Variants in DOCK10 observed in about 807,000 individuals in gnomAD.
The protein encoded by DOCK10 is dedicator of cytokinesis protein 10.
DOCK10 carries 145 observed loss-of-function variants against 280.1 expected under a neutral mutation model. That is an observed-to-expected ratio of 0.52 (90% CI 0.45 to 0.59). The LOEUF is 0.59. DOCK10 is among the 20% of genes least tolerant of loss of function. DOCK10 has a pLI of 0.00. For synonymous variants in DOCK10, 915 were observed against 942.2 expected, an observed-to-expected ratio of 0.97 and a Z score of 0.53; for missense variants, 2,368 against 2,651.7, an observed-to-expected ratio of 0.89 and a Z score of 2.35.
intron 28 of DOCK10, among the ~76,000 whole-genome samples, chr2:224,820,858 A>T (rs1694460908): frequency 6.6e-6 from 1 of 152,224 alleles, no homozygotes; most frequent in East Asian, 1.9e-4. Flanking sequence ...TCAACAGCTC[A>T]TTGAAACAAA....
rs139400953 is a variant in DOCK10 at position 224,773,027 on chromosome 2, C to T, written c.6204+130G>A. 127 of 790,142 alleles carry T rather than the reference C, an allele frequency of 1.6e-4. No homozygotes were observed. In the African/African-American group the frequency reaches 2.0e-3, roughly 12 times the overall value. 48.9% of individuals were successfully genotyped at this position (790,142 alleles called of 1,614,324 possible). A position where few individuals can be genotyped will look rare whatever the true frequency, so the allele number is the denominator to read the frequency against. On this transcript the variant is annotated intron_variant, in intron 53 of 55. Coordinates refer to ENST00000258390, the MANE Select transcript of DOCK10 (RefSeq NM_014689.3). ...ACAACTAGAAGCCATTTTAAAGACC[C>T]AGATAAAGGTGTTCTATTCTCACAA...
At chr2:224,830,081 C>T (rs542456022) in intron 27 of DOCK10, among the ~76,000 whole-genome samples, 1 of 152,208 alleles carries the variant, frequency 6.6e-6, no homozygotes, top group African/African-American at 2.4e-5. Flanking sequence ...ACCCTCCCCC[C>T]AGGCTGCTCC....
At chr2:224,958,737 A>G (rs2126151951) in intron 1 of DOCK10, among the ~76,000 whole-genome samples, 1 of 152,246 alleles carries the variant, frequency 6.6e-6, no homozygotes, top group East Asian at 1.9e-4. Flanking sequence ...GTAAATTCCC[A>G]GAGCAATAAA....
rs140758576 is a variant in DOCK10, at chr2:224,844,221, C to T, written c.2568+532G>A. On this transcript the variant is annotated intron_variant, in intron 22 of 55. Transcript: ENST00000258390. Reference sequence around the variant, plus strand: ...TCTCAGCTCAACGCAACCTCTGCCTCCCGAGTTCAAGAGATTCTCCTGCCT... The same window carrying T: ...TCTCAGCTCAACGCAACCTCTGCCTTCCGAGTTCAAGAGATTCTCCTGCCT... Among the ~76,000 whole-genome samples the T allele has an allele frequency of 4.6e-3, 698 of 152,308 alleles. 5 individuals carry two copies. The highest frequency in any genetic ancestry group is 0.016 in the African/African-American group (663 of 41,562).
intron 1 of DOCK10, among the ~76,000 whole-genome samples, chr2:225,032,036 G>A (rs528773307): frequency 3.9e-5 from 6 of 152,134 alleles, no homozygotes; most frequent in African/African-American, 9.6e-5. Context: ...TAGATCATTG[G>A]GATCAAGTCT....
chr2:224,873,285 A>T (rs1457349904), intron 11 of DOCK10, among the ~76,000 whole-genome samples: 1 of 152,156 alleles, frequency 6.6e-6, no homozygotes, highest in African/African-American at 2.4e-5. Flanking sequence ...TCCCTGTAAA[A>T]GCCATCTCTG....
chr2:224,877,915 G>A (rs945671630), intron 7 of DOCK10, among the ~76,000 whole-genome samples: 8 of 152,116 alleles, frequency 5.3e-5, no homozygotes, highest in African/African-American at 1.2e-4. Flanking sequence ...TTCCTATACC[G>A]GTGTCCAGCT....
At chr2:224,874,422 A>G in intron 9 of DOCK10, 73 bp from the exon 10 acceptor site, 1 of 1,188,912 alleles carries the variant, frequency 8.4e-7, no homozygotes, top group South Asian at 1.3e-5. Context: ...CACATGGCCA[A>G]GAAGCAGCCC....
chr2:224,947,024 C>T (rs1703459681), intron 1 of DOCK10: 1 of 1,460,282 alleles, frequency 6.8e-7, no homozygotes, highest in South Asian at 1.4e-5. Flanking sequence ...TCTGAAGCGT[C>T]ACCAGGCTGA....
At chr2:224,813,883 T>C (rs537689081) in intron 31 of DOCK10, among the ~76,000 whole-genome samples, 3 of 152,340 alleles carry the variant, frequency 2.0e-5, no homozygotes, top group Admixed American at 6.5e-5. Context: ...AAGGTTTGCC[T>C]AGACCATTTT....
chr2:225,000,223 C>G (rs1288357992), intron 1 of DOCK10, among the ~76,000 whole-genome samples: 4 of 101,738 alleles, frequency 3.9e-5, no homozygotes, highest in African/African-American at 1.1e-4. Context: ...CACACACACA[C>G]AGACACACAC....
chr2:224,854,865 AACCAAC>A (rs1697000471), intron 16 of DOCK10, 92 bp downstream of exon 16: 5 of 788,564 alleles, frequency 6.3e-6, no homozygotes, highest in Non-Finnish European at 9.9e-6. Context: ...CCAACCAACC[AACCAAC>A]CAACCAACCA....
intron 1 of DOCK10, among the ~76,000 whole-genome samples, chr2:224,979,299 A>G (rs1006168965): frequency 3.9e-5 from 6 of 152,366 alleles, no homozygotes; most frequent in Admixed American, 6.5e-5. Flanking sequence ...CATTTTATCA[A>G]TGAAGACACA....
chr2:224,925,601 C>T (rs1406293588), intron 2 of DOCK10, among the ~76,000 whole-genome samples: 1 of 152,170 alleles, frequency 6.6e-6, no homozygotes, highest in Non-Finnish European at 1.5e-5. Flanking sequence ...TGGATATAAA[C>T]AGCTTAGATC....
chr2:224,956,283 G>GAGCTCAGT (rs1262142143), intron 1 of DOCK10, among the ~76,000 whole-genome samples: 1 of 152,174 alleles, frequency 6.6e-6, no homozygotes, highest in Non-Finnish European at 1.5e-5. Flanking sequence ...CCCTAACCAG[G>GAGCTCAGT]AGCTCAGTAG....
chr2:224,965,651 T>C (rs1445276818), intron 1 of DOCK10, among the ~76,000 whole-genome samples: 3 of 152,218 alleles, frequency 2.0e-5, no homozygotes, highest in Non-Finnish European at 4.4e-5. Context: ...TACCTTTCTA[T>C]CGTTTAGAGA....
chr2:225,007,880 A>G (rs1406659438), intron 1 of DOCK10, among the ~76,000 whole-genome samples: 1 of 152,262 alleles, frequency 6.6e-6, no homozygotes, highest in African/African-American at 2.4e-5. Context: ...GGTCATGTAA[A>G]AAAGAATTAC....
intron 3 of DOCK10, among the ~76,000 whole-genome samples, chr2:224,901,579 G>A (rs1477579277): frequency 1.3e-5 from 2 of 152,200 alleles, no homozygotes; most frequent in African/African-American, 4.8e-5. Flanking sequence ...TGTGCCATGA[G>A]GATAGAGTTT....
intron 1 of DOCK10, among the ~76,000 whole-genome samples, chr2:224,962,859 T>C (rs188045812): frequency 1.3e-3 from 197 of 152,248 alleles, no homozygotes; most frequent in African/African-American, 4.3e-3. Flanking sequence ...CTAATGAAAA[T>C]TTAAAAGAGA....
Sources: allele counts gnomAD v4.1 joint callset (sites outside exome capture counted in the v4.1 genomes callset), GRCh38; gene constraint gnomAD v4.1.1; transcripts MANE v1.5; gene names NCBI Gene and HGNC (gene_info 2026-07-23, HGNC 2026-07-21).